TBC1D1: variants seen among roughly 807,000 people sequenced by gnomAD.
TBC1D1 encodes the protein TBC1 domain family member 1.
Under a neutral mutation model 125.6 loss-of-function variants are expected in TBC1D1, and 89 were observed. The ratio of observed to expected loss-of-function variants is 0.71; its 90% CI spans 0.60 to 0.85. The LOEUF is 0.85. Ranked by LOEUF, TBC1D1 falls within the 40% of genes least tolerant of loss-of-function variation. TBC1D1 has a pLI of 0.00. For synonymous variants in TBC1D1, 565 were observed against 564.1 expected (o/e 1.00, Z -0.02); for missense variants, 1,377 against 1,469.2 (o/e 0.94, Z 1.03).
intron 12 of TBC1D1, among the ~76,000 whole-genome samples, chr4:38,068,619 A>G (rs114561454): frequency 4.1e-3 from 621 of 152,302 alleles, no homozygotes; most frequent in Non-Finnish European, 6.4e-3. Flanking sequence ...TATCCTGTAC[A>G]GTAACCAACA....
rs1318801305 is a variant in TBC1D1 at position 38,017,469 on chromosome 4, C to G, written c.883-885C>G. Among the ~76,000 whole-genome samples the G allele has an allele frequency of 4.6e-5, 7 of 152,214 alleles. No individual in the cohort carries two copies. In the East Asian group the frequency reaches 1.3e-3, roughly 29 times the overall value. On this transcript the variant is annotated intron_variant, in intron 3 of 19. Transcript: ENST00000261439. ...TTCAGAAACAGTAAGTGTGCAAAAA[C>G]AATTCAGAATGCAAAGTCCTTGCCC...
intron 2 of TBC1D1, among the ~76,000 whole-genome samples, chr4:37,981,176 C>T (rs1428442689): frequency 6.6e-6 from 1 of 152,164 alleles, no homozygotes; most frequent in Non-Finnish European, 1.5e-5. Flanking sequence ...CTCCTGACCT[C>T]AAGTGATCTG....
At chr4:37,961,866 A>G (rs188661069) in intron 2 of TBC1D1, among the ~76,000 whole-genome samples, 7 of 152,360 alleles carry the variant, frequency 4.6e-5, no homozygotes, top group African/African-American at 1.7e-4. Flanking sequence ...TGACCTCCAA[A>G]AAAGATGCAA....
At chr4:38,013,644 G>T (rs994869567) in intron 2 of TBC1D1, among the ~76,000 whole-genome samples, 1 of 152,160 alleles carries the variant, frequency 6.6e-6, no homozygotes, top group Admixed American at 6.5e-5. Flanking sequence ...ACTGCCGTGC[G>T]GATTCATCTT....
chr4:38,036,129 G>T (rs767081554), intron 8 of TBC1D1, among the ~76,000 whole-genome samples: 2 of 152,194 alleles, frequency 1.3e-5, no homozygotes, highest in Non-Finnish European at 2.9e-5. Context: ...CAGATACAAT[G>T]TTGGCAAGCC....
intron 2 of TBC1D1, among the ~76,000 whole-genome samples, chr4:37,927,927 A>C (rs1722459156): frequency 1.3e-5 from 2 of 152,206 alleles, no homozygotes; most frequent in African/African-American, 4.8e-5. Context: ...AACACATTTT[A>C]AAAATTGTTA....
intron 2 of TBC1D1, among the ~76,000 whole-genome samples, chr4:37,984,550 G>T (rs535813035): frequency 1.8e-4 from 27 of 152,210 alleles, no homozygotes; most frequent in Non-Finnish European, 3.4e-4. Context: ...TTAAGGAATA[G>T]AAATAATGTT....
intron 17 of TBC1D1, among the ~76,000 whole-genome samples, chr4:38,120,838 G>A (rs645469): frequency 0.71 from 108,408 of 151,888 alleles, 38,979 homozygotes; most frequent in African/African-American, 0.78. Context: ...TTTGGGGGAA[G>A]AAAAATCTAA....
chr4:38,005,284 T>C (rs941720105), intron 2 of TBC1D1, among the ~76,000 whole-genome samples: 1 of 152,218 alleles, frequency 6.6e-6, no homozygotes, highest in East Asian at 1.9e-4. Flanking sequence ...CATTTTTCAG[T>C]AGTTGTTGCA....
At chr4:37,994,402 G>A (rs1055499251) in intron 2 of TBC1D1, among the ~76,000 whole-genome samples, 1 of 152,054 alleles carries the variant, frequency 6.6e-6, no homozygotes, top group South Asian at 2.1e-4. Context: ...TGATTCCCCT[G>A]CCTCAGCCTC....
At position 37,944,604 on chromosome 4, in the gene TBC1D1, G is replaced by A. The variant is rs538905219; in HGVS notation, c.417+42092G>A. Among the ~76,000 whole-genome samples, 47 of 152,326 alleles carry A rather than the reference G, an allele frequency of 3.1e-4. 1 individual carries two copies. The highest frequency in any genetic ancestry group is 9.1e-4 in the African/African-American group (38 of 41,582). On this transcript the variant is annotated intron_variant, in intron 2 of 19. Transcript: ENST00000261439. ...TCAGACTGCTGTGCTAACAATGAGC[G>A]AGGGTCCATGGGTGTGGAACCCTTT...
chr4:38,030,455 C>G (rs1323573490), intron 7 of TBC1D1: 1 of 152,252 alleles, frequency 6.6e-6, no homozygotes, highest in Non-Finnish European at 1.5e-5. Flanking sequence ...TCTTCCATCA[C>G]TGTGAGTGTG....
chr4:37,977,620 G>A lies in TBC1D1; in HGVS notation c.418-36889G>A. On this transcript the variant is annotated intron_variant, in intron 2 of 19. Coordinates refer to ENST00000261439, the MANE Select transcript of TBC1D1 (RefSeq NM_015173.4). This position sits in a 1 kb window ranked among gnomAD's most constrained non-coding sequence, Gnocchi z 4.3. ...TAACCTTCGGGCCGGGGCTGGGCCG[G>A]GCCGCTGGAGGCCAGGCGCGGCGGG... The A allele has an allele frequency of 6.4e-6, 2 of 311,066 alleles. No homozygotes were observed. The highest frequency in any genetic ancestry group is 4.8e-6 in the Non-Finnish European group (1 of 209,116). The allele number at this position is 311,066 out of a possible 1,614,324, so 19.3% of individuals were successfully genotyped here. A position where few individuals can be genotyped will look rare whatever the true frequency, so the allele number is the denominator to read the frequency against.
intron 15 of TBC1D1, among the ~76,000 whole-genome samples, chr4:38,104,827 C>T (rs1761002943): frequency 6.6e-6 from 1 of 151,424 alleles, no homozygotes; most frequent in Admixed American, 6.6e-5. Context: ...GTGATCTCAG[C>T]TCACTGCAAG....
chr4:37,930,522 T>G (rs1354670955), intron 2 of TBC1D1, among the ~76,000 whole-genome samples: 1 of 152,076 alleles, frequency 6.6e-6, no homozygotes. Context: ...AGACAGAGTC[T>G]TCCTGTATTG....
intron 2 of TBC1D1, among the ~76,000 whole-genome samples, chr4:37,954,148 G>A (rs968863113): frequency 6.6e-6 from 1 of 152,160 alleles, no homozygotes; most frequent in Non-Finnish European, 1.5e-5. Flanking sequence ...TGTTGACTTT[G>A]GCCTTTTGTT....
intron 8 of TBC1D1, 58 bp downstream of exon 8, chr4:38,035,756 A>G (rs1747090374): frequency 7.7e-7 from 1 of 1,294,994 alleles, no homozygotes; most frequent in Non-Finnish European, 1.1e-6. Context: ...CTCTGTATAA[A>G]CAACGTTTTG....
intron 2 of TBC1D1, among the ~76,000 whole-genome samples, chr4:37,935,446 T>G (rs1415138629): frequency 1.3e-5 from 2 of 152,232 alleles, no homozygotes; most frequent in African/African-American, 2.4e-5. Context: ...TTTGACTTTT[T>G]GCTCTCCTTC....
chr4:38,032,458 G>A (rs149641427), intron 7 of TBC1D1, among the ~76,000 whole-genome samples: 217 of 152,322 alleles, frequency 1.4e-3, no homozygotes, highest in Non-Finnish European at 2.6e-3. Context: ...GCACAGTGAT[G>A]TTACCCAATT....
Sources: gnomAD v4.1 joint callset for allele counts (sites outside exome capture counted in the v4.1 genomes callset) on GRCh38, gnomAD v4.1.1 for gene constraint, Gnocchi (gnomAD v3.1) non-coding constraint, MANE v1.5 for transcripts, NCBI Gene and HGNC (gene_info 2026-07-23, HGNC 2026-07-21) for gene names.